NKIRAS2: variants seen among roughly 807,000 people sequenced by gnomAD.
NKIRAS2 encodes NF-kappa-B inhibitor-interacting Ras-like protein 2.
Under a neutral mutation model 20.7 loss-of-function variants are expected in NKIRAS2, and 15 were observed. The observed-to-expected ratio is 0.73, with a 90% CI of 0.49 to 1.12. The LOEUF (loss-of-function observed/expected upper bound fraction) is 1.12, where lower values mean the gene tolerates loss of function less well. Ranked by LOEUF, NKIRAS2 falls within the 50% of genes most tolerant of loss-of-function variation. The probability of loss-of-function intolerance (pLI) is 0.00; values close to 1 mark genes in which losing one functional copy is unlikely to be tolerated. For synonymous variants in NKIRAS2, 116 were observed against 101.4 expected, an observed-to-expected ratio of 1.14 and a Z score of -0.87; for missense variants, 196 against 249.6, an observed-to-expected ratio of 0.79 and a Z score of 1.45.
intron 3 of NKIRAS2, chr17:42,022,995 T>C: frequency 4.3e-6 from 1 of 234,182 alleles, no homozygotes; most frequent in East Asian, 1.3e-4. Flanking sequence ...AGCCCTTCTT[T>C]TGTTTGTTTG....
upstream of NKIRAS2, among the ~76,000 whole-genome samples, chr17:42,017,838 C>T (rs559570333): frequency 6.6e-6 from 1 of 152,318 alleles, no homozygotes; most frequent in Non-Finnish European, 1.5e-5. Flanking sequence ...CCCACTGCTA[C>T]CTTTCCGACC....
chr17:42,020,568 C>G (rs186679964), intron 1 of NKIRAS2: 1 of 152,236 alleles, frequency 6.6e-6, no homozygotes, highest in Non-Finnish European at 1.5e-5. Flanking sequence ...TCTGAGCTTT[C>G]TCTTTTGTGT....
chr17:42,022,350 AT>A, intron 2 of NKIRAS2, 48 bp from the exon 3 acceptor site: 1 of 1,533,082 alleles, frequency 6.5e-7, no homozygotes. Flanking sequence ...CATCACTCAC[AT>A]TTCCCATCTC....
At chr17:42,021,416 C>T in intron 1 of NKIRAS2, 148 bp from the exon 2 acceptor site, 1 of 638,814 alleles carries the variant, frequency 1.6e-6, no homozygotes. Context: ...TAGAACTATA[C>T]ATTCAGTTTA....
chr17:42,017,937 G>A (rs1382512224), upstream of NKIRAS2, among the ~76,000 whole-genome samples: 2 of 152,098 alleles, frequency 1.3e-5, no homozygotes, highest in African/African-American at 4.8e-5. Flanking sequence ...TGGAAGCCCT[G>A]CCCAGTCAAG....
In NKIRAS2 at chr17:42,023,811, C is replaced by G; in HGVS notation, c.494C>G (p.Ala165Gly). 1 of 1,614,148 alleles carries G rather than the reference C, an allele frequency of 6.2e-7. No homozygotes were observed. The highest frequency in any genetic ancestry group is 1.1e-5 in the South Asian group (1 of 91,078). The change falls in exon 4 of 4, where the codon GCC becomes GGC. Residue 165 changes from alanine to glycine, a missense_variant. Physicochemically the swap from Ala to Gly is moderately conservative, Grantham distance 60. Transcript: ENST00000393885. Reference protein sequence around the residue: ...RSLLEPFVYLASKMTQPQSKS... With the variant: ...RSLLEPFVYLGSKMTQPQSKS... The stretch of plus-strand genomic sequence containing the variant: ...CTCCTGGAGCCCTTTGTCTACTTGG[C>G]CAGCAAGATGACGCAACCCCAGAGC...
rs782246140 is a variant in NKIRAS2 at position 42,024,322 on chromosome 17, G to T, written c.*429G>T. 24 of 229,664 alleles carry T rather than the reference G, an allele frequency of 1.0e-4. No homozygotes were observed. The highest frequency in any genetic ancestry group is 1.9e-4 in the Non-Finnish European group (22 of 113,556). 14.2% of individuals were successfully genotyped at this position (229,664 alleles called of 1,614,324 possible). A position where few individuals can be genotyped will look rare whatever the true frequency, so the allele number is the denominator to read the frequency against. On this transcript the variant is annotated 3_prime_UTR_variant, in exon 4 of 4. Coordinates refer to ENST00000393885, the MANE Select transcript of NKIRAS2 (RefSeq NM_017595.6). ...CACCAGCCTGGACTCCAGAAAAAGGGTGTCCAGGTATTGTGTGTATGCATT... is the reference window on the plus strand; with the variant it reads ...CACCAGCCTGGACTCCAGAAAAAGGTTGTCCAGGTATTGTGTGTATGCATT...
chr17:42,018,729 C>T (rs1238849647), upstream of NKIRAS2, among the ~76,000 whole-genome samples: 2 of 152,234 alleles, frequency 1.3e-5, no homozygotes, highest in African/African-American at 4.8e-5. Flanking sequence ...TATGTTCTAT[C>T]TAAGGCAACT....
At position 42,020,210 on chromosome 17, in the gene NKIRAS2, G is replaced by C. The variant is rs148640848; in HGVS notation, c.-15+6G>C. ...TGCTGCGGGGGCCCCGGGAGGTACG[G>C]ACCTGGGAGGCGAGGCTCGTCCGGC... On this transcript the variant is annotated splice_donor_region_variant and intron_variant, in intron 1 of 3. Transcript: ENST00000393885. 1.3e-4 allele frequency: 20 copies of C among 152,336 alleles called. No homozygotes were observed. The highest frequency in any genetic ancestry group is 4.6e-4 in the African/African-American group (19 of 41,472). 9.4% of individuals were successfully genotyped at this position (152,336 alleles called of 1,614,324 possible). A position where few individuals can be genotyped will look rare whatever the true frequency, so the allele number is the denominator to read the frequency against.
rs191391350 is a variant in NKIRAS2 at position 42,023,824 on chromosome 17, G to A, written c.507G>A (p.Thr169=). The part of the protein sequence containing the change: ...EPFVYLASKM[T]QPQSKSAFPL... The stretch of plus-strand genomic sequence containing the variant: ...TTGTCTACTTGGCCAGCAAGATGAC[G>A]CAACCCCAGAGCAAGTCTGCCTTCC... Residue 169 remains threonine, a synonymous_variant, in exon 4 of 4, where the codon ACG becomes ACA. Coordinates refer to ENST00000393885, the MANE Select transcript of NKIRAS2 (RefSeq NM_017595.6). 339 of 1,614,120 alleles carry A rather than the reference G, an allele frequency of 2.1e-4. No homozygotes were observed. In the East Asian group the frequency reaches 5.2e-3, roughly 25 times the overall value.
intron 3 of NKIRAS2, 151 bp downstream of exon 3, chr17:42,022,791 T>C: frequency 5.2e-6 from 5 of 957,150 alleles, no homozygotes; most frequent in East Asian, 2.5e-5. Flanking sequence ...ATCTTTACCC[T>C]CAGGATTGGC....
In NKIRAS2 at chr17:42,024,208, A is replaced by G. The variant is rs1467568962; in HGVS notation, c.*315A>G. ...CAGACAGGAAGCAGAGTCACCACGC[A>G]GCAGTGTCCCTTCTTGGGTCTGAGT... On this transcript the variant is annotated 3_prime_UTR_variant, in exon 4 of 4. Coordinates refer to ENST00000393885, the MANE Select transcript of NKIRAS2 (RefSeq NM_017595.6). The G allele has an allele frequency of 8.1e-6, 3 of 369,540 alleles. No homozygotes were observed. Among genetic ancestry groups the G allele is most frequent in the Non-Finnish European group, 1.5e-5 (3 of 197,096 alleles). 22.9% of individuals were successfully genotyped at this position (369,540 alleles called of 1,614,324 possible). A position where few individuals can be genotyped will look rare whatever the true frequency, so the allele number is the denominator to read the frequency against.
chr17:42,018,054 T>A (rs1555652315), upstream of NKIRAS2, among the ~76,000 whole-genome samples: 1 of 152,138 alleles, frequency 6.6e-6, no homozygotes, highest in East Asian at 1.9e-4. Flanking sequence ...ACAAGGCTCC[T>A]TTCATGTCAG....
In NKIRAS2 at chr17:42,023,699, C is replaced by T. The variant is rs782168316; in HGVS notation, c.382C>T (p.Arg128Trp). The change falls in exon 4 of 4, where the codon CGG (arginine) becomes TGG (tryptophan). Residue 128 changes from arginine to tryptophan, a missense_variant. Transcript: ENST00000393885. ...CAACAAGTGTGACTTACAGGAGCAG[C>T]GGCGTGTAGACCCAGATGTGGCTCA... ...LGNKCDLQEQ[R>W]RVDPDVAQHW... The T allele has an allele frequency of 1.2e-6, 2 of 1,614,156 alleles. No individual in the cohort carries two copies. The highest frequency in any genetic ancestry group is 1.7e-6 in the Non-Finnish European group (2 of 1,180,032).
chr17:42,022,563 A>G lies in NKIRAS2; in HGVS notation c.259A>G (p.Ser87Gly). 6.2e-7 allele frequency: 1 copy of G among 1,614,136 alleles called. No individual in the cohort carries two copies. Reference sequence around the variant, plus strand: ...CACTGATGGCTACGTCCTGGTCTATAGCACAGATAGCAGAGAGTCTTTTCA... The same window carrying G: ...CACTGATGGCTACGTCCTGGTCTATGGCACAGATAGCAGAGAGTCTTTTCA... Reference protein sequence around the residue: ...SCTDGYVLVYSTDSRESFQRV... With the variant: ...SCTDGYVLVYGTDSRESFQRV... The change falls in exon 3 of 4, where the codon AGC (serine) becomes GGC (glycine). Residue 87 changes from serine to glycine, a missense_variant. Transcript: ENST00000393885.
At chr17:42,022,234 G>A (rs562634937) in intron 2 of NKIRAS2, 165 bp from the exon 3 acceptor site, 44 of 696,610 alleles carry the variant, frequency 6.3e-5, no homozygotes, top group East Asian at 4.2e-4. Context: ...ATTAATGTTC[G>A]TTCCCCTAAA....
chr17:42,024,058 T>C lies in NKIRAS2; in HGVS notation c.*165T>C, dbSNP rs1415688413. 1.9e-6 allele frequency: 2 copies of C among 1,069,684 alleles called. No homozygotes were observed. The highest frequency in any genetic ancestry group is 3.2e-5 in the African/African-American group (2 of 62,508). 66.3% of individuals were successfully genotyped at this position (1,069,684 alleles called of 1,614,324 possible). A position where few individuals can be genotyped will look rare whatever the true frequency, so the allele number is the denominator to read the frequency against. On this transcript the variant is annotated 3_prime_UTR_variant, in exon 4 of 4. Coordinates refer to ENST00000393885, the MANE Select transcript of NKIRAS2 (RefSeq NM_017595.6). ...TTTGCTCCCTCTCACCTCTGGGAAG[T>C]GCAAATACTCTTGGTTGACATCCCC...
chr17:42,021,280 C>T, intron 1 of NKIRAS2: 1 of 323,930 alleles, frequency 3.1e-6, no homozygotes, highest in Non-Finnish European at 6.0e-6. Context: ...CAGATACTGG[C>T]TAGGTACTGG....
In NKIRAS2 at chr17:42,020,114, G is replaced by A. The variant is rs1555652749; in HGVS notation, c.-105G>A. The A allele has an allele frequency of 1.3e-5, 2 of 152,382 alleles. No individual in the cohort carries two copies. The highest frequency in any genetic ancestry group is 4.8e-5 in the African/African-American group (2 of 41,476). 9.4% of individuals were successfully genotyped at this position (152,382 alleles called of 1,614,324 possible). On this transcript the variant is annotated 5_prime_UTR_variant, in exon 1 of 4. Transcript: ENST00000393885. ...CCTGGAGGAGCCTACACCGACTCTG[G>A]AGGAAGACTGGAGCCTTTGCGGCGG...
Sources: gnomAD v4.1 joint callset for allele counts (sites outside exome capture counted in the v4.1 genomes callset) on GRCh38, gnomAD v4.1.1 for gene constraint, MANE v1.5 for transcripts, NCBI Gene and HGNC (gene_info 2026-07-23, HGNC 2026-07-21) for gene names.